Variants in CNTN5 observed in about 807,000 individuals in gnomAD.
CNTN5 encodes contactin 5.
In CNTN5, 77 loss-of-function variants were observed where a neutral mutation model predicts 129.1. The observed-to-expected ratio is 0.60, with a 90% CI of 0.50 to 0.72. The LOEUF (loss-of-function observed/expected upper bound fraction) is 0.72. CNTN5 is among the 30% of genes least tolerant of loss of function. The pLI is 0.00. For missense variants in CNTN5, 1,478 were observed against 1,328.8 expected, an observed-to-expected ratio of 1.11 and a Z score of -1.75; for synonymous variants, 509 against 465.6, an observed-to-expected ratio of 1.09 and a Z score of -1.20.
chr11:100,272,668 A>C lies in CNTN5; in HGVS notation c.2314+1427A>C, dbSNP rs543022512. The stretch of plus-strand genomic sequence containing the variant: ...AGGCACTGAGAGTGGACAGAGGGAA[A>C]ACACAGAGGTTGGGCTGATTGGGGG... On this transcript the variant is annotated intron_variant, in intron 18 of 24. Transcript: ENST00000524871. 4.9e-4 allele frequency among the ~76,000 whole-genome samples: 75 copies of C among 152,248 alleles called. 2 individuals are homozygous for C. The South Asian group carries it at 0.015, about 31-fold the overall frequency.
chr11:99,408,470 GAAAGAA>G (rs1450805814), intron 2 of CNTN5, among the ~76,000 whole-genome samples: 3 of 129,870 alleles, frequency 2.3e-5, no homozygotes, highest in African/African-American at 5.5e-5. Flanking sequence ...AAGAAAGAAA[GAAAGAA>G]AGAAAGAAAG....
chr11:100,296,608 T>C (rs149189733), intron 18 of CNTN5, among the ~76,000 whole-genome samples: 1 of 151,658 alleles, frequency 6.6e-6, no homozygotes, highest in Non-Finnish European at 1.5e-5. Context: ...CAAAGGAAGG[T>C]TATTTATTTC....
chr11:99,578,995 G>A (rs10893530), intron 3 of CNTN5, among the ~76,000 whole-genome samples: 138,030 of 151,776 alleles, frequency 0.91, 62,925 homozygotes, highest in East Asian at 1. Context: ...TCCATCTTGA[G>A]TTAATTTTTG....
chr11:99,183,616 C>A (rs1858193358), intron 1 of CNTN5, among the ~76,000 whole-genome samples: 1 of 152,064 alleles, frequency 6.6e-6, no homozygotes, highest in Non-Finnish European at 1.5e-5. Flanking sequence ...CTCTTAATGA[C>A]CCCTAAAGTG....
chr11:100,307,642 A>G (rs946200859), intron 20 of CNTN5, among the ~76,000 whole-genome samples: 8 of 151,712 alleles, frequency 5.3e-5, no homozygotes, highest in African/African-American at 1.4e-4. Flanking sequence ...AAGTCAATGC[A>G]TGCCTTTTAA....
intron 3 of CNTN5, among the ~76,000 whole-genome samples, chr11:99,667,727 T>A (rs905840265): frequency 2.0e-5 from 3 of 152,012 alleles, no homozygotes; most frequent in African/African-American, 7.3e-5. Context: ...TTCTCACTCA[T>A]AAGTGGGAGC....
chr11:99,512,800 C>T (rs1565246899), intron 2 of CNTN5, among the ~76,000 whole-genome samples: 1 of 152,130 alleles, frequency 6.6e-6, no homozygotes, highest in Non-Finnish European at 1.5e-5. Flanking sequence ...CCAACCATTA[C>T]ATCATTTCTC....
intron 1 of CNTN5, among the ~76,000 whole-genome samples, chr11:99,215,439 A>C (rs1184572446): frequency 6.6e-6 from 1 of 152,140 alleles, no homozygotes; most frequent in Admixed American, 6.6e-5. Context: ...AGTAAAGTTC[A>C]TAAGACCTCC....
chr11:99,341,433 T>C (rs1866508928), intron 2 of CNTN5, among the ~76,000 whole-genome samples: 1 of 152,170 alleles, frequency 6.6e-6, no homozygotes, highest in Admixed American at 6.5e-5. Context: ...TTAGAGGTAG[T>C]CTGCAAGTAT....
chr11:99,771,352 T>C (rs911056074), intron 3 of CNTN5, among the ~76,000 whole-genome samples: 2 of 150,522 alleles, frequency 1.3e-5, no homozygotes, highest in Non-Finnish European at 2.9e-5. Flanking sequence ...ATGAATAAAG[T>C]AAACGTGAAA....
At chr11:99,576,971 T>C (rs1949376063) in intron 3 of CNTN5, among the ~76,000 whole-genome samples, 1 of 152,198 alleles carries the variant, frequency 6.6e-6, no homozygotes, top group South Asian at 2.1e-4. Flanking sequence ...CACAAATCTT[T>C]GGACTGAGTA....
At chr11:100,010,185 G>T (rs947808899) in intron 9 of CNTN5, among the ~76,000 whole-genome samples, 3 of 152,068 alleles carry the variant, frequency 2.0e-5, no homozygotes, top group Admixed American at 6.6e-5. Flanking sequence ...ATTAAACATT[G>T]GTGATGTTTT....
intron 12 of CNTN5, among the ~76,000 whole-genome samples, chr11:100,072,231 T>A (rs2137876200): frequency 6.6e-6 from 1 of 152,300 alleles, no homozygotes; most frequent in South Asian, 2.1e-4. Context: ...TCCCAGGCAG[T>A]TCCTATCAGT....
chr11:100,287,283 G>T (rs900221255), intron 18 of CNTN5, among the ~76,000 whole-genome samples: 5 of 151,934 alleles, frequency 3.3e-5, no homozygotes, highest in African/African-American at 1.2e-4. Flanking sequence ...CTCGAGAAGA[G>T]CAACTCCAAG....
intron 7 of CNTN5, among the ~76,000 whole-genome samples, chr11:99,925,977 A>T (rs1458901261): frequency 1.3e-5 from 2 of 152,154 alleles, no homozygotes; most frequent in East Asian, 3.9e-4. Flanking sequence ...TGGCTCTGAC[A>T]TTTACCATTG....
intron 3 of CNTN5, among the ~76,000 whole-genome samples, chr11:99,799,660 G>A (rs1946053814): frequency 6.6e-6 from 1 of 151,966 alleles, no homozygotes; most frequent in Non-Finnish European, 1.5e-5. Flanking sequence ...GTTTTGTTGA[G>A]GATTTTTGCA....
rs867619181 is a variant in CNTN5, at chr11:100,042,706, A to G, written c.981-18506A>G. On this transcript the variant is annotated intron_variant, in intron 9 of 24. Transcript: ENST00000524871. Reference sequence around the variant, plus strand: ...CCATACTTTCAAGAACTACATTTGGAGGCACTTTTTATCCTGTCACTTTGA... The same window carrying G: ...CCATACTTTCAAGAACTACATTTGGGGGCACTTTTTATCCTGTCACTTTGA... Among the ~76,000 whole-genome samples, 7 of 152,352 alleles carry G rather than the reference A, an allele frequency of 4.6e-5. No individual in the cohort carries two copies. In the Middle Eastern group the frequency reaches 0.014, roughly 296 times the overall value.
At chr11:99,293,918 T>C (rs533650061) in intron 1 of CNTN5, among the ~76,000 whole-genome samples, 85 of 152,158 alleles carry the variant, frequency 5.6e-4, no homozygotes, top group Non-Finnish European at 1.9e-4. Context: ...CTTATTTCTG[T>C]TCTTACCTTT....
intron 6 of CNTN5, among the ~76,000 whole-genome samples, chr11:99,884,695 G>C (rs190756004): frequency 2.3e-4 from 35 of 152,306 alleles, no homozygotes; most frequent in Non-Finnish European, 4.1e-4. Flanking sequence ...ACAGTAAGAA[G>C]GCTGGGCACG....
Sources: allele counts gnomAD v4.1 joint callset (sites outside exome capture counted in the v4.1 genomes callset), GRCh38; gene constraint gnomAD v4.1.1; transcripts MANE v1.5; gene names NCBI Gene and HGNC (gene_info 2026-07-23, HGNC 2026-07-21).